Variants in RSF1 observed in about 807,000 individuals in gnomAD.
RSF1 encodes HBV pX-associated protein 8.
A neutral mutation model predicts 145.2 loss-of-function variants in RSF1; 13 were observed. The ratio of observed to expected loss-of-function variants is 0.09; its 90% CI spans 0.06 to 0.14. The LOEUF is 0.14. RSF1 is among the 10% of genes least tolerant of loss of function. The pLI is 1.00. For synonymous variants in RSF1, 577 were observed against 592.6 expected (o/e 0.97, Z 0.38); for missense variants, 1,517 against 1,718.2 (o/e 0.88, Z 2.07).
intron 1 of RSF1, among the ~76,000 whole-genome samples, chr11:77,815,709 A>C (rs567472709): frequency 5.9e-5 from 9 of 152,324 alleles, no homozygotes; most frequent in African/African-American, 2.2e-4. Flanking sequence ...TTACTAGATT[A>C]GAAATTTCTT....
At chr11:77,833,781 A>T in the RSF1 span, among the ~76,000 whole-genome samples, 1 of 152,216 alleles carries the variant, frequency 6.6e-6, no homozygotes, top group Middle Eastern at 3.2e-3. Context: ...TATTACAGTT[A>T]ATCGTATATT....
At chr11:77,845,444 T>TGGG in the RSF1 span, among the ~76,000 whole-genome samples, 1 of 151,700 alleles carries the variant, frequency 6.6e-6, no homozygotes, top group Non-Finnish European at 1.5e-5. Flanking sequence ...TTTTTTTTGG[T>TGGG]GGGGGGGATA....
At chr11:77,715,576 T>G (rs1960788333) in intron 5 of RSF1, among the ~76,000 whole-genome samples, 1 of 152,150 alleles carries the variant, frequency 6.6e-6, no homozygotes, top group Admixed American at 6.5e-5. Context: ...GCTTCCCAAG[T>G]AGCTGGGATT....
chr11:77,761,604 G>C (rs973695745), intron 2 of RSF1, among the ~76,000 whole-genome samples: 1 of 152,046 alleles, frequency 6.6e-6, no homozygotes, highest in African/African-American at 2.4e-5. Context: ...TAGCATAGTG[G>C]TATTCATTAT....
intron 1 of RSF1, among the ~76,000 whole-genome samples, chr11:77,796,062 T>C (rs1377874174): frequency 6.6e-6 from 1 of 152,218 alleles, no homozygotes; most frequent in Non-Finnish European, 1.5e-5. Flanking sequence ...ATATCCCCTA[T>C]ATCGTTTCTT....
At chr11:77,722,525 A>G (rs1289192384) in intron 5 of RSF1, among the ~76,000 whole-genome samples, 2 of 152,182 alleles carry the variant, frequency 1.3e-5, no homozygotes, top group Non-Finnish European at 2.9e-5. Flanking sequence ...CCAGCATATT[A>G]AAGTTTGAGA....
chr11:77,852,237 A>AAAAAAAAAAAAAAAAAAAAAAAC, the RSF1 span, among the ~76,000 whole-genome samples: 8 of 149,192 alleles, frequency 5.4e-5, no homozygotes, highest in Non-Finnish European at 1.0e-4. Context: ...AAAAAAAAAA[A>AAAAAAAAAAAAAAAAAAAAAAAC]AAAAGAAGAA....
intron 5 of RSF1, among the ~76,000 whole-genome samples, chr11:77,724,932 C>A (rs544100516): frequency 3.4e-4 from 52 of 152,216 alleles, no homozygotes; most frequent in African/African-American, 1.3e-3. Flanking sequence ...GGTTGGGGAC[C>A]CCTGTAACAT....
At chr11:77,789,930 C>T (rs996496223) in intron 1 of RSF1, among the ~76,000 whole-genome samples, 18 of 152,214 alleles carry the variant, frequency 1.2e-4, no homozygotes, top group Non-Finnish European at 2.1e-4. Flanking sequence ...CTGTAACCTA[C>T]CTGCAGACGC....
At chr11:77,744,442 G>A (rs1947977842) in intron 3 of RSF1, among the ~76,000 whole-genome samples, 2 of 152,030 alleles carry the variant, frequency 1.3e-5, no homozygotes, top group Non-Finnish European at 2.9e-5. Flanking sequence ...AGGTCTACAG[G>A]TACACGCCAC....
the RSF1 span, among the ~76,000 whole-genome samples, chr11:77,858,967 C>T: frequency 6.6e-6 from 1 of 152,226 alleles, no homozygotes; most frequent in South Asian, 2.1e-4. Flanking sequence ...GCACACTTTA[C>T]AGGCCCTGAC....
chr11:77,792,234 G>C (rs1406083991), intron 1 of RSF1, among the ~76,000 whole-genome samples: 3 of 152,010 alleles, frequency 2.0e-5, no homozygotes, highest in African/African-American at 4.8e-5. Context: ...ATTATCACGA[G>C]GACAGCACCA....
intron 5 of RSF1, among the ~76,000 whole-genome samples, chr11:77,723,055 A>G (rs1415365546): frequency 6.6e-6 from 1 of 152,246 alleles, no homozygotes; most frequent in Non-Finnish European, 1.5e-5. Flanking sequence ...AAATATGTGA[A>G]TGAATGACCA....
the RSF1 span, chr11:77,829,842 A>G: frequency 6.6e-6 from 1 of 152,240 alleles, no homozygotes; most frequent in East Asian, 1.9e-4. Context: ...CTTAAGAAAG[A>G]AAATCAAGTC....
chr11:77,750,888 T>C (rs1343405657), intron 2 of RSF1, among the ~76,000 whole-genome samples: 2 of 152,136 alleles, frequency 1.3e-5, no homozygotes, highest in African/African-American at 4.8e-5. Context: ...TCAGGTCCTA[T>C]TGCGTTCTCC....
intron 11 of RSF1, among the ~76,000 whole-genome samples, chr11:77,681,326 T>A (rs1297782186): frequency 6.6e-6 from 1 of 152,232 alleles, no homozygotes; most frequent in East Asian, 1.9e-4. Flanking sequence ...ATACTCTACC[T>A]AGTTCCAAAA....
At chr11:77,795,595 T>C (rs1025708575) in intron 1 of RSF1, among the ~76,000 whole-genome samples, 1 of 152,162 alleles carries the variant, frequency 6.6e-6, no homozygotes, top group African/African-American at 2.4e-5. Flanking sequence ...TAGACAAAGC[T>C]GTCAAGAACC....
chr11:77,745,440 A>G (rs1439220764), intron 3 of RSF1, among the ~76,000 whole-genome samples: 1 of 151,734 alleles, frequency 6.6e-6, no homozygotes. Flanking sequence ...CTTTTGCTGC[A>G]TTTTGTAAGT....
chr11:77,737,141 T>C (rs1961373354), intron 4 of RSF1, among the ~76,000 whole-genome samples: 1 of 152,202 alleles, frequency 6.6e-6, no homozygotes, highest in Middle Eastern at 3.4e-3. Flanking sequence ...AAGAAATTTG[T>C]GGTTGTGAAA....
Sources: allele counts gnomAD v4.1 joint callset (sites outside exome capture counted in the v4.1 genomes callset), GRCh38; gene constraint gnomAD v4.1.1; transcripts MANE v1.5; gene names NCBI Gene and HGNC (gene_info 2026-07-23, HGNC 2026-07-21).